Variants in DNAH17 observed in about 807,000 individuals in gnomAD.
DNAH17 encodes the protein dynein axonemal heavy chain 17.
Under a neutral mutation model 485.6 loss-of-function variants are expected in DNAH17, and 376 were observed. That is an observed-to-expected ratio of 0.77 (90% CI 0.71 to 0.84). The LOEUF is 0.84. Among genes scored for constraint, DNAH17 ranks in the 40% least tolerant of loss-of-function variants. The pLI is 0.00. For synonymous variants in DNAH17, 3,031 were observed against 2,405.9 expected (o/e 1.26, Z -7.60); for missense variants, 6,370 against 5,839.3 (o/e 1.09, Z -2.96).
In DNAH17 at chr17:78,450,170, G is replaced by T. The variant is rs757813623; in HGVS notation, c.11040+84C>A. 6.7e-4 allele frequency: 1,020 copies of T among 1,524,336 alleles called. 3 individuals carry two copies. Among genetic ancestry groups the T allele is most frequent in the Non-Finnish European group, 8.5e-4 (941 of 1,108,028 alleles). 94.4% of individuals were successfully genotyped at this position (1,524,336 alleles called of 1,614,324 possible). ...AGGGTGGCCCTGGCACTGCCCGATG[G>T]CTGTGTGGGCAACAGGCCTGGCTGT... On this transcript the variant is annotated intron_variant, in intron 68 of 80. Transcript: ENST00000389840.
chr17:78,484,582 T>C (rs973454077), intron 48 of DNAH17, among the ~76,000 whole-genome samples: 9 of 148,346 alleles, frequency 6.1e-5, no homozygotes, highest in African/African-American at 2.0e-4. Context: ...GATCCCCCCC[T>C]CCGCGGGGGC....
In DNAH17 at chr17:78,491,500, G is replaced by A. The variant is rs376284980; in HGVS notation, c.6612C>T (p.Asp2204=). The A allele has an allele frequency of 3.0e-5, 48 of 1,613,578 alleles. 1 individual carries two copies. Among genetic ancestry groups the A allele is most frequent in the South Asian group, 1.7e-4 (15 of 90,900 alleles). ...CGATCCACATGGGGTCTATGTCTCC[G>A]TCAAGGATGATCCACTTGGGGCCGT... is the stretch of plus-strand genomic sequence containing the variant. The part of the protein sequence containing the change: ...THDGPKWIIL[D]GDIDPMWIES... The change falls in exon 43 of 81, where the codon GAC becomes GAT. Residue 2204 remains aspartate (D), a synonymous_variant. Transcript: ENST00000389840.
At chr17:78,440,992 T>C (rs1036501019) in intron 72 of DNAH17, 59 bp downstream of exon 72, 19 of 1,547,998 alleles carry the variant, frequency 1.2e-5, no homozygotes, top group Admixed American at 5.9e-5. Flanking sequence ...ATTTTCCTGG[T>C]GCCTGGTGAT....
chr17:78,519,329 C>T (rs969413497), intron 25 of DNAH17, among the ~76,000 whole-genome samples: 58 of 151,982 alleles, frequency 3.8e-4, no homozygotes, highest in African/African-American at 1.2e-3. Context: ...TTTTATAGCA[C>T]GAAGTGTTTC....
rs962303066 is a variant in DNAH17, at chr17:78,510,160, C to A, written c.4236+224G>T. On this transcript the variant is annotated intron_variant, in intron 27 of 80. Coordinates refer to ENST00000389840, the MANE Select transcript of DNAH17 (RefSeq NM_173628.4). ...TCGTGCCACTGCACTCCAGCCTGGG[C>A]AACAGAGAGAGACTCTGTCTCAAAA... is the stretch of plus-strand genomic sequence containing the variant. Among the ~76,000 whole-genome samples, 40 of 152,314 alleles carry A rather than the reference C, an allele frequency of 2.6e-4. 3 individuals are homozygous for A. The highest frequency in any genetic ancestry group is 2.0e-3 in the Admixed American group (31 of 15,290).
rs564601387 is a variant in DNAH17 at position 78,510,460 on chromosome 17, T to A, written c.4160A>T (p.Gln1387Leu). ...SEETTLADLL[Q>L]LNLHSYEDEV... ...ATCCTCGTAACTGTGGAGGTTCAGC[T>A]GCAGTAAATCTGCCAGGGTCGTCTC... The change falls in exon 27 of 81, where the codon CAG becomes CTG. Residue 1387 changes from glutamine (Q) to leucine (L), a missense_variant. Coordinates refer to ENST00000389840, the MANE Select transcript of DNAH17 (RefSeq NM_173628.4). 6.2e-7 allele frequency: 1 copy of A among 1,613,866 alleles called. No individual in the cohort carries two copies. The highest frequency in any genetic ancestry group is 1.1e-5 in the South Asian group (1 of 91,076).
At chr17:78,572,574 T>G (rs2092374797) in intron 3 of DNAH17, 127 bp downstream of exon 3, 1 of 908,960 alleles carries the variant, frequency 1.1e-6, no homozygotes, top group Non-Finnish European at 1.6e-6. Context: ...TTCCCCGGCT[T>G]TAACATGTGA....
intron 26 of DNAH17, 118 bp from the exon 27 acceptor site, chr17:78,510,624 G>A (rs2090609395): frequency 1.3e-5 from 18 of 1,379,892 alleles, no homozygotes; most frequent in Non-Finnish European, 1.8e-5. Flanking sequence ...CTGCTGGAGG[G>A]AGGGAGGCGA....
chr17:78,460,441 T>C (rs1332829738), intron 58 of DNAH17, among the ~76,000 whole-genome samples, 184 bp from the exon 59 acceptor site: 3 of 152,250 alleles, frequency 2.0e-5, no homozygotes, highest in Non-Finnish European at 4.4e-5. Flanking sequence ...TCCATGTGCA[T>C]ATGTGCATGT....
intron 9 of DNAH17, among the ~76,000 whole-genome samples, chr17:78,567,782 C>A (rs888358015): frequency 2.0e-5 from 3 of 152,290 alleles, no homozygotes; most frequent in African/African-American, 7.2e-5. Flanking sequence ...CCCATCTGCG[C>A]CGCTTGTGTT....
chr17:78,505,460 G>A lies in DNAH17; in HGVS notation c.4804-15C>T, dbSNP rs940955645. 2 of 1,613,828 alleles carry A rather than the reference G, an allele frequency of 1.2e-6. No homozygotes were observed. Among genetic ancestry groups the A allele is most frequent in the East Asian group, 4.5e-5 (2 of 44,886 alleles). On this transcript the variant is annotated splice_polypyrimidine_tract_variant and intron_variant, in intron 30 of 80. Transcript: ENST00000389840. ...TGGCGGCTCACCTGGGAGGAGGCAAGAAGCGGGAATTATGCAACGGGGGAT... is the reference window on the plus strand; with the variant it reads ...TGGCGGCTCACCTGGGAGGAGGCAAAAAGCGGGAATTATGCAACGGGGGAT...
intron 2 of DNAH17, 39 bp downstream of exon 2, chr17:78,574,674 C>G: frequency 2.6e-6 from 4 of 1,541,696 alleles, no homozygotes; most frequent in Non-Finnish European, 3.5e-6. Context: ...AGAAGTCGGT[C>G]GTGCTCGACA....
At chr17:78,466,603 G>A in intron 56 of DNAH17, 52 bp downstream of exon 56, 3 of 1,538,294 alleles carry the variant, frequency 2.0e-6, no homozygotes, top group Non-Finnish European at 2.6e-6. Context: ...CCTTGGGCCT[G>A]TCCTTGTCCT....
In DNAH17 at chr17:78,444,645, C is replaced by G. The variant is rs749410517; in HGVS notation, c.11487G>C (p.Met3829Ile). Residue 3829 changes from methionine (M) to isoleucine (I), a missense_variant, in exon 71 of 81, where the codon ATG becomes ATC. Transcript: ENST00000389840. Reference sequence around the variant, plus strand: ...TGCGATCTGGCCGCAGGCAGCGCACCATGCACAGCTTCTGCAGGGCCGTCT... The same window carrying G: ...TGCGATCTGGCCGCAGGCAGCGCACGATGCACAGCTTCTGCAGGGCCGTCT... ...KNKTALQKLC[M>I]VRCLRPDRMT... The G allele has an allele frequency of 6.2e-7, 1 of 1,602,378 alleles. No individual in the cohort carries two copies. The highest frequency in any genetic ancestry group is 1.1e-5 in the South Asian group (1 of 88,846).
chr17:78,484,739 A>ACCCCCCAGCCGCCCCCCCCCC, intron 48 of DNAH17, 129 bp downstream of exon 48: 1 of 347,798 alleles, frequency 2.9e-6, no homozygotes. Flanking sequence ...ACGTTGCAGC[A>ACCCCCCAGCCGCCCCCCCCCC]CCCCCCCCAC....
At chr17:78,455,360 G>C (rs1387103957) in intron 63 of DNAH17, among the ~76,000 whole-genome samples, 1 of 151,386 alleles carries the variant, frequency 6.6e-6, no homozygotes, top group Non-Finnish European at 1.5e-5. Flanking sequence ...GGGTCTCGCT[G>C]TGTCGTCCAG....
intron 2 of DNAH17, among the ~76,000 whole-genome samples, chr17:78,573,990 C>T (rs1352372098): frequency 6.6e-6 from 1 of 152,174 alleles, no homozygotes; most frequent in Non-Finnish European, 1.5e-5. Context: ...CATAAAATGA[C>T]ACTCCATTTT....
Position 78,467,114 on chromosome 17 carries a change from A to C in DNAH17, c.8779-298T>G, listed in dbSNP as rs576698690. 8.5e-5 allele frequency among the ~76,000 whole-genome samples: 13 copies of C among 152,362 alleles called. No individual in the cohort carries two copies. In the East Asian group the frequency reaches 2.5e-3, roughly 29 times the overall value. On this transcript the variant is annotated intron_variant, in intron 55 of 80. Transcript: ENST00000389840. Reference sequence around the variant, plus strand: ...TGGGGAGTGGGCATCCACATTGGGCAGATGAGGCCCCAGAACGGGCCGGGC... The same window carrying C: ...TGGGGAGTGGGCATCCACATTGGGCCGATGAGGCCCCAGAACGGGCCGGGC...
chr17:78,498,601 C>T (rs1362649752), intron 37 of DNAH17, among the ~76,000 whole-genome samples: 6 of 152,216 alleles, frequency 3.9e-5, no homozygotes, highest in Non-Finnish European at 8.8e-5. Flanking sequence ...CATGGTTGTT[C>T]CCAAAACACA....
Sources: allele counts gnomAD v4.1 joint callset (sites outside exome capture counted in the v4.1 genomes callset), GRCh38; gene constraint gnomAD v4.1.1; transcripts MANE v1.5; gene names NCBI Gene and HGNC (gene_info 2026-07-23, HGNC 2026-07-21).